The following ZFHX3 variants were observed in gnomAD, a reference collection of about 807,000 sequenced individuals.
The protein encoded by ZFHX3 is zinc finger homeobox protein 3.
ZFHX3 carries 42 observed loss-of-function variants against 279.1 expected under a neutral mutation model. The ratio of observed to expected loss-of-function variants is 0.15; its 90% confidence interval spans 0.12 to 0.19. The LOEUF (loss-of-function observed/expected upper bound fraction) is 0.19. Ranked by LOEUF, ZFHX3 falls within the 10% of genes least tolerant of loss-of-function variation. The probability of loss-of-function intolerance (pLI) is 1.00; values close to 1 mark genes in which losing one functional copy is unlikely to be tolerated. For missense variants in ZFHX3, 4,981 were observed against 4,754.0 expected, an observed-to-expected ratio of 1.05 and a Z score of -1.40; for synonymous variants, 2,293 against 1,957.8, an observed-to-expected ratio of 1.17 and a Z score of -4.52.
intron 5 of ZFHX3, among the ~76,000 whole-genome samples, chr16:73,235,160 C>T (rs1261977868): frequency 2.6e-5 from 4 of 152,182 alleles, no homozygotes; most frequent in Non-Finnish European, 5.9e-5. Context: ...ACCTCTGTCT[C>T]CTAGGTTCAA....
rs188123914 is a variant in ZFHX3 at position 73,751,324 on chromosome 16, G to A, written c.-1607-71084C>T. 5.9e-3 allele frequency among the ~76,000 whole-genome samples: 896 copies of A among 152,228 alleles called. 5 individuals are homozygous for A. Among genetic ancestry groups the A allele is most frequent in the Non-Finnish European group, 9.5e-3 (648 of 68,008 alleles). On this transcript the variant is annotated intron_variant, in intron 1 of 17. Transcript: ENST00000641206. ...TGAATAGATAATATAGAAACATATA[G>A]TCATAAACTAAATTAGGGAGCCATG...
intron 2 of ZFHX3, among the ~76,000 whole-genome samples, chr16:73,603,102 G>A (rs527997417): frequency 3.7e-4 from 56 of 152,020 alleles, no homozygotes; most frequent in African/African-American, 1.3e-3. Flanking sequence ...TGGCTAACAC[G>A]GTAAAACCTG....
chr16:73,880,028 C>G (rs1187580802), intron 1 of ZFHX3, among the ~76,000 whole-genome samples: 2 of 152,124 alleles, frequency 1.3e-5, no homozygotes, highest in South Asian at 2.1e-4. Context: ...TTTAAAGGAA[C>G]TAAGAACATG....
At chr16:73,039,597 G>A (rs772375920) in intron 1 of ZFHX3, among the ~76,000 whole-genome samples, 34 of 152,302 alleles carry the variant, frequency 2.2e-4, no homozygotes, top group Non-Finnish European at 2.8e-4. Context: ...CAATGCACAA[G>A]GTGGCCCACT....
chr16:73,835,549 C>A, intron 1 of ZFHX3, among the ~76,000 whole-genome samples: 1 of 139,426 alleles, frequency 7.2e-6, no homozygotes, highest in African/African-American at 2.7e-5. Context: ...CGACTCACTG[C>A]AACCTCCACC....
At chr16:72,863,151 A>C (rs78710726) in intron 4 of ZFHX3, among the ~76,000 whole-genome samples, 39 of 152,074 alleles carry the variant, frequency 2.6e-4, no homozygotes, top group African/African-American at 9.4e-4. Flanking sequence ...TCAATATTTG[A>C]TGATTCCATG....
intron 1 of ZFHX3, among the ~76,000 whole-genome samples, chr16:73,887,194 T>C (rs191946574): frequency 6.6e-6 from 1 of 152,290 alleles, no homozygotes; most frequent in African/African-American, 2.4e-5. Context: ...AAATATCACC[T>C]TATTCACAGA....
chr16:73,787,621 G>A (rs1959686734), intron 1 of ZFHX3, among the ~76,000 whole-genome samples: 1 of 152,136 alleles, frequency 6.6e-6, no homozygotes, highest in Non-Finnish European at 1.5e-5. Context: ...GTTTCATGTA[G>A]CTTCATCTTA....
At chr16:73,398,874 TG>T (rs2017187285) in intron 3 of ZFHX3, among the ~76,000 whole-genome samples, 1 of 152,208 alleles carries the variant, frequency 6.6e-6, no homozygotes, top group African/African-American at 2.4e-5. Context: ...TGTTTTGTTT[TG>T]TTTTTTTGAG....
intron 1 of ZFHX3, among the ~76,000 whole-genome samples, chr16:73,832,627 G>A (rs28477985): frequency 0.076 from 11,554 of 151,890 alleles, 1,462 homozygotes; most frequent in African/African-American, 0.26. Context: ...AGCTCACTGC[G>A]GACTTGAACT....
intron 5 of ZFHX3, among the ~76,000 whole-genome samples, chr16:73,214,152 C>G (rs926844796): frequency 6.6e-6 from 1 of 152,154 alleles, no homozygotes; most frequent in African/African-American, 2.4e-5. Context: ...GAAACTGCTC[C>G]GCACAGCCCA....
chr16:73,674,122 T>C (rs1488482820), intron 2 of ZFHX3, among the ~76,000 whole-genome samples: 15 of 152,222 alleles, frequency 9.9e-5, no homozygotes, highest in Non-Finnish European at 1.6e-4. Flanking sequence ...TTTGCTATTG[T>C]GTTTCTAGTA....
intron 1 of ZFHX3, among the ~76,000 whole-genome samples, chr16:73,744,215 T>A (rs2053684476): frequency 6.6e-6 from 1 of 152,224 alleles, no homozygotes; most frequent in Non-Finnish European, 1.5e-5. Context: ...AAGTAGTTAT[T>A]AATTTACGCT....
At chr16:73,063,554 A>G (rs557235801), upstream of ZFHX3, among the ~76,000 whole-genome samples, 28 of 152,200 alleles carry the variant, frequency 1.8e-4, no homozygotes, top group Middle Eastern at 3.4e-3. Flanking sequence ...CCAGATCTCA[A>G]AAGTTTGCTC....
At chr16:72,821,792 T>G (rs1363768145) in intron 5 of ZFHX3, 1 of 152,248 alleles carries the variant, frequency 6.6e-6, no homozygotes, top group Non-Finnish European at 1.5e-5. Context: ...AGGCATATGA[T>G]GCCTACCACA....
chr16:72,993,169 A>G (rs1365915694), intron 1 of ZFHX3, among the ~76,000 whole-genome samples: 2 of 152,078 alleles, frequency 1.3e-5, no homozygotes, highest in Non-Finnish European at 2.9e-5. Context: ...GAACTGCAAA[A>G]AGGCAGGACA....
chr16:73,039,830 C>T (rs889614838), intron 1 of ZFHX3, among the ~76,000 whole-genome samples: 1 of 152,174 alleles, frequency 6.6e-6, no homozygotes, highest in Non-Finnish European at 1.5e-5. Context: ...CCATGCACAA[C>T]CCAAGCAAAT....
intron 5 of ZFHX3, among the ~76,000 whole-genome samples, chr16:73,198,006 C>T (rs905821080): frequency 1.5e-5 from 2 of 129,852 alleles, no homozygotes; most frequent in Non-Finnish European, 3.1e-5. Flanking sequence ...GGCACGATCT[C>T]GGCTCACTGC....
chr16:73,132,606 C>T (rs914278481), intron 6 of ZFHX3, among the ~76,000 whole-genome samples: 1 of 152,132 alleles, frequency 6.6e-6, no homozygotes, highest in Non-Finnish European at 1.5e-5. Context: ...TATAGGACCA[C>T]ATATCACACA....
Sources: allele counts gnomAD v4.1 joint callset (sites outside exome capture counted in the v4.1 genomes callset), GRCh38; gene constraint gnomAD v4.1.1; transcripts MANE v1.5; gene names NCBI Gene and HGNC (gene_info 2026-07-23, HGNC 2026-07-21).